AP3B1: variants seen among roughly 807,000 people sequenced by gnomAD.
The protein encoded by AP3B1 is adaptor related protein complex 3 subunit beta 1.
AP3B1 carries 61 observed loss-of-function variants against 132.5 expected under a neutral mutation model. That is an observed-to-expected ratio of 0.46 (90% CI 0.37 to 0.57). The LOEUF is 0.57. Among genes scored for constraint, AP3B1 ranks in the 20% least tolerant of loss-of-function variants. AP3B1 has a pLI of 0.00. For missense variants in AP3B1, 1,120 were observed against 1,289.4 expected, an observed-to-expected ratio of 0.87 and a Z score of 2.01; for synonymous variants, 388 against 438.3, an observed-to-expected ratio of 0.89 and a Z score of 1.43.
intron 2 of AP3B1, among the ~76,000 whole-genome samples, chr5:78,246,382 T>C (rs1257261764): frequency 6.6e-6 from 1 of 152,216 alleles, no homozygotes. Context: ...ATAATGTCTT[T>C]GTCTAGTTTT....
intron 22 of AP3B1, among the ~76,000 whole-genome samples, chr5:78,053,633 T>C (rs995612212): frequency 6.7e-6 from 1 of 148,392 alleles, no homozygotes; most frequent in African/African-American, 2.5e-5. Context: ...TGAGCCGAGA[T>C]TGCACCATTG....
At chr5:78,225,472 T>C (rs2112491735) in intron 6 of AP3B1, 70 bp downstream of exon 6, 4 of 834,034 alleles carry the variant, frequency 4.8e-6, no homozygotes, top group South Asian at 3.3e-5. Flanking sequence ...ATATAAAATA[T>C]ATAATGGTAA....
chr5:78,201,730 G>A (rs192300178), intron 7 of AP3B1, among the ~76,000 whole-genome samples: 1 of 152,296 alleles, frequency 6.6e-6, no homozygotes, highest in East Asian at 1.9e-4. Context: ...AATGGCAAAT[G>A]AGTCTTGGAA....
intron 7 of AP3B1, among the ~76,000 whole-genome samples, chr5:78,189,432 A>G (rs1444436563): frequency 6.6e-6 from 1 of 152,160 alleles, no homozygotes; most frequent in East Asian, 1.9e-4. Context: ...TTCAATATGT[A>G]TTTAATTGAA....
intron 11 of AP3B1, among the ~76,000 whole-genome samples, chr5:78,168,995 T>A (rs1413171219): frequency 6.6e-6 from 1 of 152,182 alleles, no homozygotes; most frequent in Admixed American, 6.5e-5. Flanking sequence ...GAATAATACA[T>A]CATTCTAATA....
chr5:78,134,994 C>T (rs1361976184), intron 15 of AP3B1, among the ~76,000 whole-genome samples: 3 of 152,118 alleles, frequency 2.0e-5, no homozygotes, highest in African/African-American at 4.8e-5. Flanking sequence ...TTTTTCAATG[C>T]CAGGAAAACA....
chr5:78,258,898 G>A (rs1309590499), intron 2 of AP3B1, among the ~76,000 whole-genome samples: 1 of 152,112 alleles, frequency 6.6e-6, no homozygotes. Context: ...GCAACAACAT[G>A]GGTGGAAATG....
chr5:78,203,428 G>A (rs185098732), intron 7 of AP3B1, among the ~76,000 whole-genome samples: 6 of 152,226 alleles, frequency 3.9e-5, no homozygotes. Context: ...TCACTATCAT[G>A]AGAACAGTAG....
At chr5:78,053,318 C>CT (rs1185704769) in intron 22 of AP3B1, among the ~76,000 whole-genome samples, 17 of 151,878 alleles carry the variant, frequency 1.1e-4, no homozygotes, top group South Asian at 4.2e-4. Flanking sequence ...ACTTTTAAAT[C>CT]TTTTTTTTCA....
At chr5:78,036,946 A>T (rs546110644) in intron 23 of AP3B1, among the ~76,000 whole-genome samples, 1 of 152,306 alleles carries the variant, frequency 6.6e-6, no homozygotes, top group East Asian at 1.9e-4. Flanking sequence ...GTGGTGTTAC[A>T]TACAAGTACA....
chr5:78,069,867 T>G (rs1173860896), intron 22 of AP3B1, among the ~76,000 whole-genome samples: 2 of 152,178 alleles, frequency 1.3e-5, no homozygotes, highest in African/African-American at 4.8e-5. Flanking sequence ...AAGGCTACAG[T>G]AACCCAAATA....
At chr5:78,168,984 T>C (rs981525392) in intron 11 of AP3B1, among the ~76,000 whole-genome samples, 1 of 152,226 alleles carries the variant, frequency 6.6e-6, no homozygotes, top group Non-Finnish European at 1.5e-5. Flanking sequence ...AGTTTTCATA[T>C]GAATAATACA....
intron 21 of AP3B1, among the ~76,000 whole-genome samples, chr5:78,094,101 T>C (rs546832568): frequency 1.2e-4 from 18 of 152,370 alleles, no homozygotes; most frequent in Admixed American, 3.9e-4. Context: ...TGTAATGACA[T>C]AGGTTTACAT....
chr5:78,170,119 G>A lies in AP3B1; in HGVS notation c.1168-4447C>T, dbSNP rs980517999. Among the ~76,000 whole-genome samples the A allele has an allele frequency of 3.9e-5, 6 of 152,156 alleles. No individual in the cohort carries two copies. In the East Asian group the frequency reaches 1.2e-3, roughly 29 times the overall value. On this transcript the variant is annotated intron_variant, in intron 11 of 26. Transcript: ENST00000255194. ...TCTAATGGCTGCATAGTATTCCATG[G>A]TGTATATGTGCCACATTTTCTTAAT...
chr5:78,028,867 C>A (rs1747450095), intron 24 of AP3B1, among the ~76,000 whole-genome samples: 1 of 152,146 alleles, frequency 6.6e-6, no homozygotes, highest in African/African-American at 2.4e-5. Context: ...TCTAACTACT[C>A]CAATTTACTG....
chr5:78,058,717 C>A (rs1748921347), intron 22 of AP3B1, among the ~76,000 whole-genome samples: 2 of 152,172 alleles, frequency 1.3e-5, no homozygotes, highest in Admixed American at 1.3e-4. Context: ...CTTCATTAGG[C>A]AGATGGCCAT....
chr5:78,293,767 T>C (rs974847589), intron 1 of AP3B1, among the ~76,000 whole-genome samples: 1 of 152,198 alleles, frequency 6.6e-6, no homozygotes, highest in Non-Finnish European at 1.5e-5. Context: ...TGATACTTTT[T>C]ACAAAACTAA....
intron 1 of AP3B1, among the ~76,000 whole-genome samples, chr5:78,291,231 C>CAG (rs1484856772): frequency 7.2e-5 from 11 of 151,958 alleles, no homozygotes; most frequent in African/African-American, 2.7e-4. Flanking sequence ...TCAGTGAACA[C>CAG]AGAGCTCTAG....
At chr5:78,018,333 T>A (rs903487620) in intron 25 of AP3B1, among the ~76,000 whole-genome samples, 1 of 151,884 alleles carries the variant, frequency 6.6e-6, no homozygotes, top group African/African-American at 2.4e-5. Flanking sequence ...TATATATATA[T>A]AAAAAAGTTT....
Sources: allele counts gnomAD v4.1 joint callset (sites outside exome capture counted in the v4.1 genomes callset), GRCh38; gene constraint gnomAD v4.1.1; transcripts MANE v1.5; gene names NCBI Gene and HGNC (gene_info 2026-07-23, HGNC 2026-07-21).